The following MOV10 variants were observed in gnomAD, a reference collection of about 807,000 sequenced individuals.
MOV10 encodes Mov10 RNA helicase, also known as RNA helicase MOV-10.
Under a neutral mutation model 108.4 loss-of-function variants are expected in MOV10, and 39 were observed. The ratio of observed to expected loss-of-function variants is 0.36; its 90% CI spans 0.28 to 0.47. MOV10 has a LOEUF of 0.47. Among genes scored for constraint, MOV10 ranks in the 20% least tolerant of loss-of-function variants. MOV10 has a pLI of 1.00. For missense variants in MOV10, 952 were observed against 1,297.6 expected (o/e 0.73, Z 4.09); for synonymous variants, 490 against 523.1 (o/e 0.94, Z 0.86).
chr1:112,698,613 G>A (rs1674335299), intron 16 of MOV10, 102 bp from the exon 17 acceptor site: 1 of 1,454,446 alleles, frequency 6.9e-7, no homozygotes, highest in African/African-American at 1.4e-5. Flanking sequence ...ACCAAGGTCA[G>A]CTGCCGCCTC....
chr1:112,696,915 A>G (rs978912401), intron 14 of MOV10, 69 bp downstream of exon 14: 13 of 1,297,816 alleles, frequency 1.0e-5, no homozygotes, highest in Admixed American at 2.0e-5. Context: ...ACCCCACTGG[A>G]GAGTCTGGCT....
At position 112,692,761 on chromosome 1, in the gene MOV10, G is replaced by A; in HGVS notation, c.972G>A (p.Lys324=). ...FTAPKEIAEI[K]AQLETALKWR... Reference sequence around the variant, plus strand: ...CACCCCTCCCAACCATCATTTCCAGGGCCCAGCTGGAGACAGCCCTGAAGT... The same window carrying A: ...CACCCCTCCCAACCATCATTTCCAGAGCCCAGCTGGAGACAGCCCTGAAGT... The change falls in exon 7 of 21, where the codon AAG becomes AAA. Residue 324 remains lysine, a splice_region_variant and synonymous_variant. Transcript: ENST00000369645. 1 of 1,613,882 alleles carries A rather than the reference G, an allele frequency of 6.2e-7. No homozygotes were observed. Among genetic ancestry groups the A allele is most frequent in the Non-Finnish European group, 8.5e-7 (1 of 1,179,974 alleles).
intron 5 of MOV10, among the ~76,000 whole-genome samples, chr1:112,691,103 A>C (rs1044013860): frequency 6.6e-6 from 1 of 151,598 alleles, no homozygotes; most frequent in African/African-American, 2.4e-5. Context: ...ACATGGTGAA[A>C]TCCCATTTCT....
At chr1:112,683,225 C>T (rs1672808187) in intron 2 of MOV10, among the ~76,000 whole-genome samples, 1 of 151,920 alleles carries the variant, frequency 6.6e-6, no homozygotes, top group South Asian at 2.1e-4. Context: ...CAGCCAGGAA[C>T]ATCTTATACA....
At chr1:112,690,635 CA>C (rs1673500634) in intron 5 of MOV10, among the ~76,000 whole-genome samples, 2 of 152,120 alleles carry the variant, frequency 1.3e-5, no homozygotes, top group Non-Finnish European at 2.9e-5. Context: ...GCTGGGATTA[CA>C]GGGGCGAGCC....
At chr1:112,677,231 T>C (rs1241999273) in intron 2 of MOV10, among the ~76,000 whole-genome samples, 2 of 152,146 alleles carry the variant, frequency 1.3e-5, no homozygotes, top group African/African-American at 4.8e-5. Flanking sequence ...GCCTCAAAAA[T>C]AGAAAAATCA....
intron 19 of MOV10, 97 bp from the exon 20 acceptor site, chr1:112,700,122 G>C: frequency 6.3e-7 from 1 of 1,596,190 alleles, no homozygotes; most frequent in Non-Finnish European, 8.6e-7. Context: ...GTATTTATAA[G>C]TTAAATGACA....
chr1:112,692,265 G>A (rs529154012), intron 6 of MOV10, among the ~76,000 whole-genome samples: 12 of 152,322 alleles, frequency 7.9e-5, no homozygotes, highest in Admixed American at 5.2e-4. Context: ...CCAGGAGGTT[G>A]AGGACACAGT....
In MOV10 at chr1:112,699,915, C is replaced by T. The variant is rs778398108; in HGVS notation, c.2731C>T (p.Arg911Trp). ...NPKRFNVAVT[R>W]AKALLIIVGN... ...CCAGAGGTTCAATGTAGCTGTGACC[C>T]GGGCCAAGGCCCTGCTCATCATCGT... Residue 911 changes from arginine to tryptophan, a missense_variant, in exon 19 of 21, where the codon CGG becomes TGG. Physicochemically the swap from Arg to Trp is moderately radical, Grantham distance 101. Transcript: ENST00000369645. 2 of 1,614,156 alleles carry T rather than the reference C, an allele frequency of 1.2e-6. No individual in the cohort carries two copies. Among genetic ancestry groups the T allele is most frequent in the Non-Finnish European group, 1.7e-6 (2 of 1,180,022 alleles).
chr1:112,688,969 C>T lies in MOV10; in HGVS notation c.172C>T (p.Leu58=). ...CCCCGCCCCTGGCTTCTCCTCCATGCTGTATGGAATGAAGATTGCAAATCT... is the reference window on the plus strand; with the variant it reads ...CCCCGCCCCTGGCTTCTCCTCCATGTTGTATGGAATGAAGATTGCAAATCT... ...GTPAPGFSSM[L]YGMKIANLAY... The change falls in exon 3 of 21, where the codon CTG becomes TTG. Residue 58 remains leucine (L), a synonymous_variant. Transcript: ENST00000369645. 6.2e-7 allele frequency: 1 copy of T among 1,612,464 alleles called. No individual in the cohort carries two copies. The highest frequency in any genetic ancestry group is 8.5e-7 in the Non-Finnish European group (1 of 1,180,024).
chr1:112,699,150 A>G (rs188655763), intron 17 of MOV10: 431 of 252,294 alleles, frequency 1.7e-3, no homozygotes, highest in African/African-American at 8.8e-3. Context: ...GCAGATAACA[A>G]TCACCTGGAG....
intron 2 of MOV10, among the ~76,000 whole-genome samples, chr1:112,682,117 A>G (rs916851287): frequency 2.0e-5 from 3 of 151,116 alleles, no homozygotes; most frequent in African/African-American, 7.3e-5. Context: ...CTGGTCTTGA[A>G]CTCCTGACCT....
chr1:112,684,268 T>C (rs571187924), intron 2 of MOV10, among the ~76,000 whole-genome samples: 1 of 148,274 alleles, frequency 6.7e-6, no homozygotes, highest in Non-Finnish European at 1.5e-5. Flanking sequence ...TGGGATTTTT[T>C]TTTTTTTTTT....
In MOV10 at chr1:112,674,778, C is replaced by A. The variant is rs548159099; in HGVS notation, c.-66+49C>A. 199 of 831,728 alleles carry A rather than the reference C, an allele frequency of 2.4e-4. 1 individual carries two copies. The South Asian group carries it at 3.6e-3, about 15-fold the overall frequency. The allele number at this position is 831,728 out of a possible 1,614,324, so 51.5% of individuals were successfully genotyped here. On this transcript the variant is annotated intron_variant, in intron 1 of 20. Coordinates refer to ENST00000369645, the MANE Select transcript of MOV10 (RefSeq NM_001321324.2). ...AGCCTGGTGGGGAGAAGGGAGCCCG[C>A]AGGATCAGGGGTCAGAGTTAGGGGG...
chr1:112,680,600 G>A (rs865870665), intron 2 of MOV10, among the ~76,000 whole-genome samples: 1 of 134,212 alleles, frequency 7.5e-6, no homozygotes, highest in East Asian at 2.6e-4. Flanking sequence ...AGCTTGCAGT[G>A]AGCCGAGATT....
chr1:112,697,167 G>C (rs1674180297), intron 14 of MOV10, among the ~76,000 whole-genome samples: 1 of 152,150 alleles, frequency 6.6e-6, no homozygotes, highest in African/African-American at 2.4e-5. Flanking sequence ...AAGAAAAATA[G>C]GGAGGAGGTC....
At chr1:112,692,608 C>T (rs754117206) in intron 6 of MOV10, among the ~76,000 whole-genome samples, 153 bp from the exon 7 acceptor site, 7 of 152,216 alleles carry the variant, frequency 4.6e-5, no homozygotes, top group Non-Finnish European at 1.0e-4. Context: ...GGGCCTCTGA[C>T]TCTCATCCAC....
intron 3 of MOV10, 38 bp from the exon 4 acceptor site, chr1:112,689,377 T>TTCC: frequency 4.5e-5 from 36 of 792,678 alleles, no homozygotes; most frequent in Non-Finnish European, 6.5e-5. Flanking sequence ...GTCAGACCGC[T>TTCC]CCCACCCCAA....
At chr1:112,691,456 A>C (rs1472348887) in intron 5 of MOV10, among the ~76,000 whole-genome samples, 1 of 152,156 alleles carries the variant, frequency 6.6e-6, no homozygotes, top group African/African-American at 2.4e-5. Context: ...TTTTTTCTCT[A>C]GTGATCATTT....
Sources: allele counts gnomAD v4.1 joint callset (sites outside exome capture counted in the v4.1 genomes callset), GRCh38; gene constraint gnomAD v4.1.1; transcripts MANE v1.5; gene names NCBI Gene and HGNC (gene_info 2026-07-23, HGNC 2026-07-21).